Variants in BLM observed in about 807,000 individuals in gnomAD.
BLM encodes BLM RecQ like helicase.
In BLM, 95 loss-of-function variants were observed where a neutral mutation model predicts 135.3. The observed-to-expected ratio is 0.70, with a 90% CI of 0.59 to 0.83. The LOEUF is 0.83. Ranked by LOEUF, BLM falls within the 40% of genes least tolerant of loss-of-function variation. The pLI, the probability that BLM is intolerant of heterozygous loss-of-function variation, is 0.00. For synonymous variants in BLM, 520 were observed against 589.2 expected (o/e 0.88, Z 1.70); for missense variants, 1,518 against 1,663.9 (o/e 0.91, Z 1.53).
In BLM at chr15:90,760,805, G is replaced by C. The variant is rs1490929990; in HGVS notation, c.1432G>C (p.Gly478Arg). 1 of 1,613,928 alleles carries C rather than the reference G, an allele frequency of 6.2e-7. No individual in the cohort carries two copies. Among genetic ancestry groups the C allele is most frequent in the East Asian group, 2.2e-5 (1 of 44,876 alleles). Reference protein sequence around the residue: ...CLLTTTLGKTGFSATRKNLFE... With the variant: ...CLLTTTLGKTRFSATRKNLFE... ...ACTGACTACCACCCTAGGAAAGACA[G>C]GATTCTCTGCCACCAGGAAGAATCT... is the stretch of plus-strand genomic sequence containing the variant. Residue 478 changes from glycine (G) to arginine (R), a missense_variant, in exon 7 of 22, where the codon GGA (glycine) becomes CGA (arginine). Physicochemically the swap from Gly to Arg is moderately radical, Grantham distance 125 (BLOSUM62 -2). Transcript: ENST00000355112.
At chr15:90,790,212 G>A (rs1896870093) in intron 14 of BLM, 1 of 230,070 alleles carries the variant, frequency 4.3e-6, no homozygotes, top group Admixed American at 5.2e-5. Context: ...ACTAGCAGCA[G>A]TGACCTCTGA....
intron 17 of BLM, among the ~76,000 whole-genome samples, chr15:90,799,486 G>A (rs1039414939): frequency 1.3e-5 from 2 of 151,746 alleles, no homozygotes; most frequent in Admixed American, 6.6e-5. Context: ...TTAATCCTCA[G>A]TAGATGTAAA....
chr15:90,727,165 T>C (rs1287854596), intron 1 of BLM, among the ~76,000 whole-genome samples: 1 of 152,086 alleles, frequency 6.6e-6, no homozygotes, highest in Non-Finnish European at 1.5e-5. Flanking sequence ...TGTGTTTTTG[T>C]TTTTGTTTTT....
At chr15:90,800,170 A>G (rs1170004500) in intron 17 of BLM, among the ~76,000 whole-genome samples, 3 of 152,112 alleles carry the variant, frequency 2.0e-5, no homozygotes, top group Non-Finnish European at 4.4e-5. Context: ...CATATTCTGG[A>G]CCCCTTCAGA....
chr15:90,769,914 A>G (rs1896258783), intron 12 of BLM, among the ~76,000 whole-genome samples: 1 of 152,136 alleles, frequency 6.6e-6, no homozygotes, highest in African/African-American at 2.4e-5. Context: ...CATCCCTGGT[A>G]TAGTCCCAGT....
rs980658443 is a variant in BLM, at chr15:90,787,669, C to G, written c.2823+2588C>G. On this transcript the variant is annotated intron_variant, in intron 14 of 21. Coordinates refer to ENST00000355112, the MANE Select transcript of BLM (RefSeq NM_000057.4). ...GGAGAAATAAAAATCCAGTTTATGG[C>G]CAGGTGCAGTGGCTCACCCCTGTAA... 3.3e-5 allele frequency among the ~76,000 whole-genome samples: 5 copies of G among 152,256 alleles called. No homozygotes were observed. In the East Asian group the frequency reaches 9.7e-4, roughly 29 times the overall value.
intron 16 of BLM, among the ~76,000 whole-genome samples, chr15:90,797,273 G>T (rs1003619920): frequency 6.6e-6 from 1 of 151,834 alleles, no homozygotes; most frequent in East Asian, 1.9e-4. Context: ...CAAATTAGTC[G>T]GGCATGGTGG....
chr15:90,749,195 C>T (rs760027316), intron 2 of BLM, among the ~76,000 whole-genome samples, 172 bp from the exon 3 acceptor site: 2 of 152,146 alleles, frequency 1.3e-5, no homozygotes, highest in Non-Finnish European at 2.9e-5. Context: ...GACCAGAGAA[C>T]GAATACAATT....
At chr15:90,804,119 A>G (rs1897230164) in intron 18 of BLM, 48 bp from the exon 19 acceptor site, 2 of 1,525,738 alleles carry the variant, frequency 1.3e-6, no homozygotes, top group East Asian at 2.3e-5. Context: ...CTGTATGGGT[A>G]CAAGTGCACA....
Position 90,749,709 on chromosome 15 carries a change from T to A in BLM, c.441T>A (p.Ser147=). 2 of 1,614,228 alleles carry A rather than the reference T, an allele frequency of 1.2e-6. No individual in the cohort carries two copies. Among genetic ancestry groups the A allele is most frequent in the Non-Finnish European group, 1.7e-6 (2 of 1,180,026 alleles). The part of the protein sequence containing the change: ...KKLEFSSSPD[S]LSTINDWDDM... ...TAGAATTTAGTTCTTCACCAGATTC[T>A]TTAAGTACCATCAATGATTGGGATG... The change falls in exon 3 of 22, where the codon TCT becomes TCA. Residue 147 remains serine (S), a synonymous_variant. Transcript: ENST00000355112.
chr15:90,718,280 G>A (rs1871588275), intron 1 of BLM, among the ~76,000 whole-genome samples: 1 of 152,178 alleles, frequency 6.6e-6, no homozygotes, highest in African/African-American at 2.4e-5. Context: ...AGAGCATTTG[G>A]TGATTAAGTG....
intron 12 of BLM, among the ~76,000 whole-genome samples, chr15:90,777,405 G>A (rs1896507671): frequency 6.6e-6 from 1 of 152,038 alleles, no homozygotes; most frequent in Admixed American, 6.6e-5. Flanking sequence ...TGCCCGCCTC[G>A]GCCTCTGAAA....
chr15:90,769,274 A>T (rs1896229707), intron 11 of BLM, 43 bp downstream of exon 11: 2 of 1,547,944 alleles, frequency 1.3e-6, no homozygotes, highest in African/African-American at 2.7e-5. Flanking sequence ...ATAAATACAT[A>T]CTACCAACAA....
At chr15:90,802,436 C>T (rs531052505) in intron 17 of BLM, among the ~76,000 whole-genome samples, 3 of 152,296 alleles carry the variant, frequency 2.0e-5, no homozygotes, top group South Asian at 2.1e-4. Context: ...CTGTGGCTCT[C>T]GGCTAGTAAG....
chr15:90,807,001 T>C (rs1897300594), intron 19 of BLM, among the ~76,000 whole-genome samples: 1 of 152,250 alleles, frequency 6.6e-6, no homozygotes, highest in Non-Finnish European at 1.5e-5. Context: ...AAAATACATA[T>C]AATCAAATTA....
chr15:90,792,092 TTC>T (rs1174582585), intron 15 of BLM, among the ~76,000 whole-genome samples: 1 of 98,202 alleles, frequency 1.0e-5, no homozygotes, highest in Non-Finnish European at 2.3e-5. Context: ...ACTTTTTTTT[TTC>T]TTTTTTTTTT....
At chr15:90,765,701 C>T (rs1439907355) in intron 9 of BLM, among the ~76,000 whole-genome samples, 1 of 152,148 alleles carries the variant, frequency 6.6e-6, no homozygotes, top group African/African-American at 2.4e-5. Context: ...ACTGCCAGGT[C>T]GGCATAGTTC....
At chr15:90,794,770 G>A (rs991859077) in intron 16 of BLM, among the ~76,000 whole-genome samples, 23 of 147,536 alleles carry the variant, frequency 1.6e-4, no homozygotes, top group South Asian at 2.1e-4. Flanking sequence ...TAAAATTGAC[G>A]TATTAATATT....
chr15:90,745,065 A>G (rs1022965955), intron 1 of BLM, among the ~76,000 whole-genome samples: 1 of 152,012 alleles, frequency 6.6e-6, no homozygotes, highest in Non-Finnish European at 1.5e-5. Flanking sequence ...GAAAACAAGA[A>G]TTAGGGATGC....
Sources: gnomAD v4.1 joint callset for allele counts (sites outside exome capture counted in the v4.1 genomes callset) on GRCh38, gnomAD v4.1.1 for gene constraint, MANE v1.5 for transcripts, NCBI Gene and HGNC (gene_info 2026-07-23, HGNC 2026-07-21) for gene names.